OR9Q1: variants seen among roughly 807,000 people sequenced by gnomAD.
OR9Q1 encodes olfactory receptor 9Q1.
For synonymous variants in OR9Q1, 153 were observed against 148.6 expected, an observed-to-expected ratio of 1.03 and a Z score of -0.22; for missense variants, 374 against 378.8, an observed-to-expected ratio of 0.99 and a Z score of 0.11.
At chr11:58,111,880 T>C (rs201290527) in intron 2 of OR9Q1, among the ~76,000 whole-genome samples, 1 of 3,634 alleles carries the variant, frequency 2.8e-4, no homozygotes, top group Non-Finnish European at 3.4e-3. Context: ...CCACGAGTCC[T>C]TTTTGGGGGG....
chr11:58,071,828 A>G (rs527843875), intron 2 of OR9Q1, among the ~76,000 whole-genome samples: 176 of 152,314 alleles, frequency 1.2e-3, no homozygotes, highest in Non-Finnish European at 1.4e-3. Flanking sequence ...AATCTATCTA[A>G]TAAATAAATT....
chr11:58,080,872 G>T (rs1281440182), intron 2 of OR9Q1, among the ~76,000 whole-genome samples: 1 of 152,112 alleles, frequency 6.6e-6, no homozygotes, highest in Non-Finnish European at 1.5e-5. Flanking sequence ...CCACCTGCAG[G>T]TTTGTCACAT....
rs373710335 is a variant in OR9Q1, at chr11:58,180,128, C to G, written c.684C>G (p.Ile228Met). Residue 228 changes from isoleucine to methionine, a missense_variant, in exon 3 of 3, where the codon ATC becomes ATG. Coordinates refer to ENST00000335397, the MANE Select transcript of OR9Q1 (RefSeq NM_001005212.4). ...TTATCATCGTGGCCATCATGGGGATCCCTGCTGGAAGCCAGGCCAAGACCT... is the reference window on the plus strand; with the variant it reads ...TTATCATCGTGGCCATCATGGGGATGCCTGCTGGAAGCCAGGCCAAGACCT... ...YLFIIVAIMG[I>M]PAGSQAKTFS... The G allele has an allele frequency of 1.9e-6, 3 of 1,614,014 alleles. No homozygotes were observed. Among genetic ancestry groups the G allele is most frequent in the African/African-American group, 1.3e-5 (1 of 74,918 alleles).
At chr11:58,150,006 T>C (rs1174442211) in intron 2 of OR9Q1, among the ~76,000 whole-genome samples, 2 of 152,204 alleles carry the variant, frequency 1.3e-5, no homozygotes, top group African/African-American at 4.8e-5. Flanking sequence ...TGTTGGATCA[T>C]ATGGTAAATC....
chr11:58,034,354 T>C (rs1290660300), intron 1 of OR9Q1, among the ~76,000 whole-genome samples: 1 of 152,058 alleles, frequency 6.6e-6, no homozygotes, highest in Non-Finnish European at 1.5e-5. Context: ...CCCAAAGTGC[T>C]GGGATTACAG....
chr11:58,058,481 A>G (rs1853348063), intron 2 of OR9Q1, among the ~76,000 whole-genome samples: 1 of 152,128 alleles, frequency 6.6e-6, no homozygotes, highest in African/African-American at 2.4e-5. Context: ...TATTATTCCT[A>G]AGTGTATGGT....
chr11:58,048,679 A>AAATAT (rs745596668), intron 1 of OR9Q1, among the ~76,000 whole-genome samples: 3 of 131,386 alleles, frequency 2.3e-5, no homozygotes, highest in South Asian at 5.5e-4. Flanking sequence ...TAAAAAAAAA[A>AAATAT]ATATATATAT....
At chr11:58,082,257 A>G (rs1370879708) in intron 2 of OR9Q1, among the ~76,000 whole-genome samples, 2 of 152,176 alleles carry the variant, frequency 1.3e-5, no homozygotes, top group African/African-American at 4.8e-5. Context: ...CCATCCCATT[A>G]CTGGGAATAT....
intron 1 of OR9Q1, among the ~76,000 whole-genome samples, chr11:58,054,724 G>A (rs917311679): frequency 6.6e-6 from 1 of 151,868 alleles, no homozygotes; most frequent in Non-Finnish European, 1.5e-5. Flanking sequence ...GAAGTTTTGA[G>A]ACCAGCCTGG....
intron 2 of OR9Q1, among the ~76,000 whole-genome samples, chr11:58,174,556 C>A (rs959366050): frequency 7.3e-5 from 11 of 151,168 alleles, no homozygotes; most frequent in Non-Finnish European, 2.9e-5. Context: ...TATTATCATA[C>A]TAAAATCTTC....
rs910867982 is a variant in OR9Q1 at position 58,181,119 on chromosome 11, C to T, written c.*742C>T. 6.0e-6 allele frequency: 1 copy of T among 167,044 alleles called. No individual in the cohort carries two copies. The highest frequency in any genetic ancestry group is 1.5e-5 in the Non-Finnish European group (1 of 68,126). The allele number at this position is 167,044 out of a possible 1,614,324, so 10.3% of individuals were successfully genotyped here. On this transcript the variant is annotated 3_prime_UTR_variant, in exon 3 of 3. Transcript: ENST00000335397. The stretch of plus-strand genomic sequence containing the variant: ...TAACATGTCTGTCAATTGCTATCAC[C>T]TCTGGATATATGCCCTGTTCTTTTT...
At chr11:58,131,511 T>A (rs993856778) in intron 2 of OR9Q1, among the ~76,000 whole-genome samples, 4 of 152,008 alleles carry the variant, frequency 2.6e-5, no homozygotes, top group Non-Finnish European at 4.4e-5. Context: ...TATATAATAT[T>A]TATAACATTA....
intron 1 of OR9Q1, among the ~76,000 whole-genome samples, chr11:58,047,030 C>T (rs1164163548): frequency 1.3e-5 from 2 of 152,176 alleles, no homozygotes; most frequent in African/African-American, 4.8e-5. Flanking sequence ...AGTAGTATCT[C>T]TAGGTATCTG....
intron 2 of OR9Q1, chr11:58,171,259 A>T (rs1272803837): frequency 6.6e-6 from 1 of 152,216 alleles, no homozygotes; most frequent in Non-Finnish European, 1.5e-5. Context: ...AATGTAATCC[A>T]ATGTATACAC....
At chr11:58,035,703 G>T (rs1853094571) in intron 1 of OR9Q1, among the ~76,000 whole-genome samples, 1 of 152,260 alleles carries the variant, frequency 6.6e-6, no homozygotes, top group East Asian at 1.9e-4. Flanking sequence ...CCTGAATAGG[G>T]TCTGACCTAT....
intron 1 of OR9Q1, chr11:58,031,588 G>A: frequency 6.2e-7 from 1 of 1,614,008 alleles, no homozygotes; most frequent in East Asian, 2.2e-5. Flanking sequence ...CTGTGCTACT[G>A]GCCTCCTCTA....
chr11:58,132,530 G>C (rs1366550019), intron 2 of OR9Q1, among the ~76,000 whole-genome samples: 1 of 152,176 alleles, frequency 6.6e-6, no homozygotes, highest in Non-Finnish European at 1.5e-5. Context: ...ACATTGCTCT[G>C]GGTACTTTAT....
chr11:58,117,773 G>A (rs1284682611), intron 2 of OR9Q1: 5 of 152,136 alleles, frequency 3.3e-5, no homozygotes, highest in Non-Finnish European at 7.3e-5. Flanking sequence ...GAGAGAGCTT[G>A]AGGAGACATT....
chr11:58,031,706 G>A, intron 1 of OR9Q1: 1 of 1,614,030 alleles, frequency 6.2e-7, no homozygotes, highest in Non-Finnish European at 8.5e-7. Context: ...CCTGACTGTG[G>A]TGAGCCTCTT....
Sources: allele counts gnomAD v4.1 joint callset (sites outside exome capture counted in the v4.1 genomes callset), GRCh38; gene constraint gnomAD v4.1.1; transcripts MANE v1.5; gene names NCBI Gene and HGNC (gene_info 2026-07-23, HGNC 2026-07-21).